Variants in CSMD1 observed in about 807,000 individuals in gnomAD.
CSMD1 encodes the protein CUB and Sushi multiple domains 1, also known as CUB and sushi domain-containing protein 1.
In CSMD1, 213 loss-of-function variants were observed where a neutral mutation model predicts 417.5. That is an observed-to-expected ratio of 0.51 (90% CI 0.46 to 0.57). The LOEUF (loss-of-function observed/expected upper bound fraction) is 0.57. CSMD1 is among the 20% of genes least tolerant of loss of function. The pLI, the probability that CSMD1 is intolerant of heterozygous loss-of-function variation, is 0.00. For missense variants in CSMD1, 6,923 were observed against 4,529.7 expected (o/e 1.53, Z -15.17); for synonymous variants, 2,862 against 1,736.8 (o/e 1.65, Z -16.11).
intron 3 of CSMD1, among the ~76,000 whole-genome samples, chr8:4,173,766 G>C (rs895052028): frequency 6.6e-6 from 1 of 152,028 alleles, no homozygotes; most frequent in Non-Finnish European, 1.5e-5. Flanking sequence ...AATATTAAAA[G>C]TAACTCATTC....
chr8:3,993,844 G>T (rs1437062918), intron 5 of CSMD1, among the ~76,000 whole-genome samples: 2 of 152,198 alleles, frequency 1.3e-5, no homozygotes, highest in Non-Finnish European at 2.9e-5. Flanking sequence ...CAGGTACTCT[G>T]CATGCCCCTC....
chr8:3,731,568 A>G (rs1056157764), intron 6 of CSMD1, among the ~76,000 whole-genome samples: 1 of 152,162 alleles, frequency 6.6e-6, no homozygotes, highest in Non-Finnish European at 1.5e-5. Context: ...CCCGTGAAGA[A>G]TCTAAAATAG....
intron 1 of CSMD1, among the ~76,000 whole-genome samples, chr8:4,785,343 C>A (rs1426987153): frequency 6.6e-6 from 1 of 152,088 alleles, no homozygotes; most frequent in African/African-American, 2.4e-5. Flanking sequence ...TGCTCTTAGG[C>A]TGATGGTGTG....
At chr8:3,713,279 A>G (rs573893534) in intron 6 of CSMD1, among the ~76,000 whole-genome samples, 1 of 152,206 alleles carries the variant, frequency 6.6e-6, no homozygotes. Flanking sequence ...TTAGGTTAAA[A>G]CTCACTTTCT....
chr8:3,424,271 T>C (rs1440311995), intron 12 of CSMD1, among the ~76,000 whole-genome samples: 6 of 152,204 alleles, frequency 3.9e-5, no homozygotes, highest in Non-Finnish European at 1.5e-5. Flanking sequence ...CATATTTCTT[T>C]GCAAAAGCCA....
intron 3 of CSMD1, among the ~76,000 whole-genome samples, chr8:4,062,600 C>A (rs898126384): frequency 6.6e-6 from 1 of 152,152 alleles, no homozygotes. Flanking sequence ...CGTCCCAGAT[C>A]TGATCTTAAA....
At chr8:4,091,198 C>G (rs952194712) in intron 3 of CSMD1, among the ~76,000 whole-genome samples, 4 of 151,926 alleles carry the variant, frequency 2.6e-5, no homozygotes, top group African/African-American at 9.7e-5. Flanking sequence ...GGATTACGGG[C>G]TTGAACCACC....
At chr8:3,361,323 C>A (rs1400059221) in intron 20 of CSMD1, among the ~76,000 whole-genome samples, 1 of 152,030 alleles carries the variant, frequency 6.6e-6, no homozygotes, top group African/African-American at 2.4e-5. Context: ...CATTTCCTGT[C>A]ATTTCTTTAA....
chr8:4,178,852 T>G (rs1798198407), intron 3 of CSMD1, among the ~76,000 whole-genome samples: 1 of 152,102 alleles, frequency 6.6e-6, no homozygotes, highest in Non-Finnish European at 1.5e-5. Context: ...ATAAAATACT[T>G]AGAAATCCAA....
chr8:4,762,914 G>C (rs1430917543), intron 1 of CSMD1, among the ~76,000 whole-genome samples: 1 of 152,156 alleles, frequency 6.6e-6, no homozygotes, highest in Non-Finnish European at 1.5e-5. Context: ...CAGCATTGTA[G>C]GTAGGGTTAT....
At chr8:4,565,773 T>TATGTATAC (rs1220058102) in intron 2 of CSMD1, among the ~76,000 whole-genome samples, 3 of 34,312 alleles carry the variant, frequency 8.7e-5, no homozygotes, top group Admixed American at 8.0e-4. Context: ...TATATATATA[T>TATGTATAC]ATATATATAT....
intron 7 of CSMD1, 79 bp downstream of exon 7, chr8:3,708,335 G>C (rs1458475376): frequency 1.3e-5 from 15 of 1,159,442 alleles, no homozygotes; most frequent in South Asian, 2.5e-5. Flanking sequence ...TGGTGGGTGG[G>C]ATCGCTTCTT....
At chr8:4,820,282 C>CA (rs1399688751) in intron 1 of CSMD1, among the ~76,000 whole-genome samples, 6 of 152,176 alleles carry the variant, frequency 3.9e-5, no homozygotes, top group Non-Finnish European at 8.8e-5. Context: ...CTGCCAGGAA[C>CA]ACAGGGCTGG....
At chr8:4,911,213 C>T (rs1307365711) in intron 1 of CSMD1, among the ~76,000 whole-genome samples, 1 of 152,190 alleles carries the variant, frequency 6.6e-6, no homozygotes, top group East Asian at 1.9e-4. Context: ...TTTGGCTTTT[C>T]CTCAAATTCT....
chr8:3,018,732 C>G, intron 51 of CSMD1, 82 bp from the exon 52 acceptor site: 1 of 1,263,096 alleles, frequency 7.9e-7, no homozygotes, highest in Non-Finnish European at 1.1e-6. Context: ...CAAAAACAAA[C>G]AAAAAAAACC....
intron 2 of CSMD1, among the ~76,000 whole-genome samples, chr8:4,435,511 C>T (rs1798100186): frequency 6.6e-6 from 1 of 152,170 alleles, no homozygotes; most frequent in African/African-American, 2.4e-5. Flanking sequence ...TCCAGGAAAA[C>T]TGAAACCTTA....
At chr8:4,279,546 G>T (rs982155865) in intron 3 of CSMD1, among the ~76,000 whole-genome samples, 1 of 152,100 alleles carries the variant, frequency 6.6e-6, no homozygotes, top group Non-Finnish European at 1.5e-5. Flanking sequence ...CTTTAGCAAT[G>T]TATCCTCTAA....
At chr8:4,503,983 AAG>A (rs1491064400) in intron 2 of CSMD1, among the ~76,000 whole-genome samples, 1 of 151,732 alleles carries the variant, frequency 6.6e-6, no homozygotes, top group South Asian at 2.1e-4. Flanking sequence ...AAAAAAAAAA[AAG>A]AAAAAAAAAG....
chr8:3,589,344 C>T (rs1283803455), intron 8 of CSMD1, among the ~76,000 whole-genome samples: 1 of 151,430 alleles, frequency 6.6e-6, no homozygotes, highest in Non-Finnish European at 1.5e-5. Flanking sequence ...ATGCAGGGGT[C>T]CAACACTGGA....
Sources: allele counts gnomAD v4.1 joint callset (sites outside exome capture counted in the v4.1 genomes callset), GRCh38; gene constraint gnomAD v4.1.1; transcripts MANE v1.5; gene names NCBI Gene and HGNC (gene_info 2026-07-23, HGNC 2026-07-21).